The following RCAN2 variants were observed in gnomAD, a reference collection of about 807,000 sequenced individuals.
The protein encoded by RCAN2 is calcipressin-2.
Under a neutral mutation model 23.6 loss-of-function variants are expected in RCAN2, and 9 were observed. That is an observed-to-expected ratio of 0.38 (90% CI 0.23 to 0.67). The LOEUF (loss-of-function observed/expected upper bound fraction) is 0.67, where lower values mean the gene tolerates loss of function less well. RCAN2 is among the 30% of genes least tolerant of loss of function. The pLI, the probability that RCAN2 is intolerant of heterozygous loss-of-function variation, is 0.51. For synonymous variants in RCAN2, 109 were observed against 115.7 expected (o/e 0.94, Z 0.37); for missense variants, 273 against 302.3 (o/e 0.90, Z 0.72).
intron 2 of RCAN2, among the ~76,000 whole-genome samples, chr6:46,295,162 G>T (rs1762684332): frequency 6.6e-6 from 1 of 152,104 alleles, no homozygotes; most frequent in Admixed American, 6.6e-5. Flanking sequence ...CTGAGGTAAT[G>T]AAGACAGGAA....
chr6:46,271,975 C>T (rs1327910934), intron 2 of RCAN2, among the ~76,000 whole-genome samples: 1 of 152,138 alleles, frequency 6.6e-6, no homozygotes, highest in Non-Finnish European at 1.5e-5. Flanking sequence ...CAAGGTAAAG[C>T]CAGCCTTTAA....
chr6:46,471,051 G>A (rs573554962), intron 1 of RCAN2, among the ~76,000 whole-genome samples: 1 of 152,282 alleles, frequency 6.6e-6, no homozygotes, highest in South Asian at 2.1e-4. Flanking sequence ...ATGTAGGGGT[G>A]GTGAGGAATA....
In RCAN2 at chr6:46,365,688, T is replaced by G. The variant is rs146774013; in HGVS notation, c.225+91064A>C. ...TCTAAGCATTTAAGATCTCATTTTA[T>G]AGTCTCAAATTTTATACTTAAAGCT... is the stretch of plus-strand genomic sequence containing the variant. On this transcript the variant is annotated intron_variant, in intron 2 of 4. Transcript: ENST00000371374. Among the ~76,000 whole-genome samples the G allele has an allele frequency of 8.7e-3, 1,329 of 152,300 alleles. 11 individuals are homozygous for G. Among genetic ancestry groups the G allele is most frequent in the Non-Finnish European group, 0.013 (859 of 68,018 alleles).
At chr6:46,230,374 G>A (rs988121464) in intron 4 of RCAN2, among the ~76,000 whole-genome samples, 2 of 152,228 alleles carry the variant, frequency 1.3e-5, no homozygotes, top group African/African-American at 2.4e-5. Flanking sequence ...ACCCCCAGAG[G>A]TGGAGTCTAC....
chr6:46,314,230 C>T (rs1021839544), intron 2 of RCAN2, among the ~76,000 whole-genome samples: 3 of 151,762 alleles, frequency 2.0e-5, no homozygotes, highest in Admixed American at 6.6e-5. Context: ...GGCCTGGTGG[C>T]ACATGCCTGT....
Position 46,468,794 on chromosome 6 carries a change from G to T in RCAN2, c.-2-11816C>A, listed in dbSNP as rs1353262120. ...TCTCCGCTAGATGTTCCAGAGCCTT[G>T]CTCACCTTTAATCAGCACTTTCTCA... On this transcript the variant is annotated intron_variant, in intron 1 of 4. Transcript: ENST00000371374. 3 of 984,450 alleles carry T rather than the reference G, an allele frequency of 3.0e-6. No individual in the cohort carries two copies. The East Asian group carries it at 3.4e-4, about 112-fold the overall frequency. 61.0% of individuals were successfully genotyped at this position (984,450 alleles called of 1,614,324 possible).
Position 46,491,310 on chromosome 6 carries a change from C to T in RCAN2, c.-140G>A, listed in dbSNP as rs1290580277. Reference sequence around the variant, plus strand: ...CGAGCGCGTGGGGGCGGCGCGGTGCCCGCGGGCCTTTGCGTGGGGCCGTAC... The same window carrying T: ...CGAGCGCGTGGGGGCGGCGCGGTGCTCGCGGGCCTTTGCGTGGGGCCGTAC... On this transcript the variant is annotated 5_prime_UTR_variant, in exon 1 of 5. Coordinates refer to ENST00000371374, the MANE Select transcript of RCAN2 (RefSeq NM_001251974.2). 2 of 151,162 alleles carry T rather than the reference C, an allele frequency of 1.3e-5. No homozygotes were observed. Among genetic ancestry groups the T allele is most frequent in the East Asian group, 3.9e-4 (2 of 5,134 alleles). The allele number at this position is 151,162 out of a possible 1,614,324, so 9.4% of individuals were successfully genotyped here.
rs530981527 is a variant in RCAN2, at chr6:46,362,428, G to T, written c.225+94324C>A. Among the ~76,000 whole-genome samples the T allele has an allele frequency of 5.3e-5, 8 of 151,952 alleles. No homozygotes were observed. The South Asian group carries it at 1.7e-3, about 32-fold the overall frequency. ...TATATATTGGTATATATAATATAAG[G>T]TATTATAAGGTAATCTACACATTCC... On this transcript the variant is annotated intron_variant, in intron 2 of 4. Coordinates refer to ENST00000371374, the MANE Select transcript of RCAN2 (RefSeq NM_001251974.2).
At chr6:46,446,966 G>T (rs993401448) in intron 2 of RCAN2, among the ~76,000 whole-genome samples, 1 of 151,928 alleles carries the variant, frequency 6.6e-6, no homozygotes, top group African/African-American at 2.4e-5. Context: ...TTAACAAAAT[G>T]GTACTAATAA....
intron 2 of RCAN2, among the ~76,000 whole-genome samples, chr6:46,410,969 G>A (rs1025043188): frequency 2.0e-5 from 3 of 152,140 alleles, no homozygotes; most frequent in Non-Finnish European, 4.4e-5. Context: ...GTCCAAGTTT[G>A]CCCATCAACA....
intron 2 of RCAN2, among the ~76,000 whole-genome samples, chr6:46,411,605 G>A (rs1157389730): frequency 6.6e-6 from 1 of 152,156 alleles, no homozygotes; most frequent in African/African-American, 2.4e-5. Context: ...ACAGAAAAAT[G>A]AGCCAACCAA....
At chr6:46,272,798 G>T (rs541400129) in intron 2 of RCAN2, among the ~76,000 whole-genome samples, 1 of 152,074 alleles carries the variant, frequency 6.6e-6, no homozygotes, top group Admixed American at 6.6e-5. Context: ...AACTGATTTC[G>T]TAAGTTCATT....
intron 2 of RCAN2, among the ~76,000 whole-genome samples, chr6:46,301,711 A>G (rs1447031017): frequency 6.6e-6 from 1 of 152,094 alleles, no homozygotes; most frequent in Non-Finnish European, 1.5e-5. Flanking sequence ...ATTTCAGGTC[A>G]GGTGGTGAGA....
chr6:46,244,128 C>T (rs189116829), intron 4 of RCAN2, among the ~76,000 whole-genome samples: 371 of 152,228 alleles, frequency 2.4e-3, no homozygotes, highest in Non-Finnish European at 4.3e-3. Context: ...CAGGGCCCTT[C>T]AAAAATGGTA....
At chr6:46,446,721 T>C (rs1767720559) in intron 2 of RCAN2, among the ~76,000 whole-genome samples, 1 of 151,742 alleles carries the variant, frequency 6.6e-6, no homozygotes, top group Admixed American at 6.6e-5. Context: ...GAAAGAGGAG[T>C]AAAATTATTG....
At chr6:46,487,351 C>A (rs1377103387) in intron 1 of RCAN2, among the ~76,000 whole-genome samples, 1 of 152,156 alleles carries the variant, frequency 6.6e-6, no homozygotes, top group African/African-American at 2.4e-5. Context: ...ATACTACCAA[C>A]ATACACTTCT....
intron 2 of RCAN2, among the ~76,000 whole-genome samples, chr6:46,420,614 G>A (rs1350897860): frequency 6.7e-6 from 1 of 148,336 alleles, no homozygotes; most frequent in African/African-American, 2.5e-5. Flanking sequence ...GTGCAATCTC[G>A]GCTCACTGCA....
At position 46,252,117 on chromosome 6, in the gene RCAN2, G is replaced by T. The variant is rs543178156; in HGVS notation, c.226-3221C>A. Among the ~76,000 whole-genome samples, 105 of 152,114 alleles carry T rather than the reference G, an allele frequency of 6.9e-4. 1 individual carries two copies. In the South Asian group the frequency reaches 0.021, roughly 31 times the overall value. On this transcript the variant is annotated intron_variant, in intron 2 of 4. Coordinates refer to ENST00000371374, the MANE Select transcript of RCAN2 (RefSeq NM_001251974.2). The stretch of plus-strand genomic sequence containing the variant: ...AGCCTTCTCTATTTTTGTTTCCATT[G>T]GTGACATTACACACATATCATTTGC...
At chr6:46,287,836 A>C (rs1019853450) in intron 2 of RCAN2, among the ~76,000 whole-genome samples, 1 of 152,232 alleles carries the variant, frequency 6.6e-6, no homozygotes, top group African/African-American at 2.4e-5. Context: ...AGCTGTTCTT[A>C]AATCTCACTT....
Sources: gnomAD v4.1 joint callset for allele counts (sites outside exome capture counted in the v4.1 genomes callset) on GRCh38, gnomAD v4.1.1 for gene constraint, MANE v1.5 for transcripts, NCBI Gene and HGNC (gene_info 2026-07-23, HGNC 2026-07-21) for gene names.